Variants in DHX57 observed in about 807,000 individuals in gnomAD.
DHX57 encodes DExH-box helicase 57.
Under a neutral mutation model 156.2 loss-of-function variants are expected in DHX57, and 105 were observed. The ratio of observed to expected loss-of-function variants is 0.67; its 90% CI spans 0.57 to 0.79. DHX57 has a LOEUF of 0.79. Ranked by LOEUF, DHX57 falls within the 30% of genes least tolerant of loss-of-function variation. The pLI, the probability that DHX57 is intolerant of heterozygous loss-of-function variation, is 0.00. For missense variants in DHX57, 1,847 were observed against 1,661.9 expected, an observed-to-expected ratio of 1.11 and a Z score of -1.94; for synonymous variants, 704 against 595.6, an observed-to-expected ratio of 1.18 and a Z score of -2.65.
intron 1 of DHX57, among the ~76,000 whole-genome samples, chr2:38,871,441 T>C (rs1245815226): frequency 6.6e-6 from 1 of 152,170 alleles, no homozygotes; most frequent in Non-Finnish European, 1.5e-5. Context: ...ATAACAATAC[T>C]ATAAAAAGGA....
At chr2:38,853,827 A>T in intron 9 of DHX57, 1 of 344,734 alleles carries the variant, frequency 2.9e-6, no homozygotes, top group Admixed American at 4.2e-5. Context: ...ATACCTTCTA[A>T]CCTAACAGGA....
chr2:38,870,421 C>A (rs1364909104), intron 1 of DHX57, among the ~76,000 whole-genome samples: 4 of 152,104 alleles, frequency 2.6e-5, no homozygotes, highest in African/African-American at 7.2e-5. Context: ...AGACATGTTG[C>A]AATAAAAATG....
intron 16 of DHX57, 64 bp from the exon 17 acceptor site, chr2:38,823,333 AT>A: frequency 6.8e-7 from 1 of 1,460,432 alleles, no homozygotes; most frequent in South Asian, 1.3e-5. Flanking sequence ...CAGAGGAATA[AT>A]TTCTTTTGTG....
intron 19 of DHX57, among the ~76,000 whole-genome samples, chr2:38,817,880 T>C (rs1241503995): frequency 2.6e-5 from 4 of 151,708 alleles, no homozygotes; most frequent in Non-Finnish European, 1.5e-5. Flanking sequence ...GTATTTTTTG[T>C]AGAGATGGGG....
chr2:38,802,979 C>G, intron 22 of DHX57, 64 bp from the exon 23 acceptor site: 1 of 1,578,944 alleles, frequency 6.3e-7, no homozygotes, highest in Non-Finnish European at 8.7e-7. Context: ...AACAACCCCC[C>G]AGTCCCACGG....
chr2:38,813,707 G>C (rs995923001), intron 21 of DHX57, 114 bp downstream of exon 21: 1 of 1,232,200 alleles, frequency 8.1e-7, no homozygotes, highest in African/African-American at 1.5e-5. Context: ...GTGTGCGTGT[G>C]TGCACACATG....
At chr2:38,853,480 A>G (rs763117238) in intron 9 of DHX57, 1 of 152,200 alleles carries the variant, frequency 6.6e-6, no homozygotes, top group Non-Finnish European at 1.5e-5. Flanking sequence ...TTGAGCATCT[A>G]TGGGTCTCTC....
At chr2:38,818,726 C>T (rs376820358) in intron 19 of DHX57, 151 bp downstream of exon 19, 11 of 774,582 alleles carry the variant, frequency 1.4e-5, no homozygotes, top group Admixed American at 1.3e-4. Flanking sequence ...TGCCACAGTG[C>T]GGGAGTCCAT....
At position 38,802,852 on chromosome 2, in the gene DHX57, T is replaced by C. The variant is rs1434845364; in HGVS notation, c.3880A>G (p.Ile1294Val). 2.5e-6 allele frequency: 4 copies of C among 1,614,010 alleles called. No homozygotes were observed. In the African/African-American group the frequency reaches 5.3e-5, roughly 22 times the overall value. The part of the protein sequence containing the change: ...HEKIKTSRVF[I>V]RDCSMVSVYP... The stretch of plus-strand genomic sequence containing the variant: ...ACAGACACCATGCTGCAGTCTCGGA[T>C]GAATACTCGACTAGTTTTTATCTTC... Residue 1294 changes from isoleucine to valine, a missense_variant, in exon 23 of 24, where the codon ATC becomes GTC. Physicochemically the swap from Ile to Val is conservative, Grantham distance 29 (BLOSUM62 3). Coordinates refer to ENST00000457308, the MANE Select transcript of DHX57 (RefSeq NM_198963.3).
chr2:38,864,540 G>C (rs1025541337), intron 2 of DHX57, among the ~76,000 whole-genome samples: 6 of 151,978 alleles, frequency 3.9e-5, no homozygotes, highest in Non-Finnish European at 8.8e-5. Flanking sequence ...CTTTCTATTT[G>C]TAAACTATAT....
Position 38,861,003 on chromosome 2 carries a change from T to C in DHX57, c.1407A>G (p.Pro469=). The change falls in exon 5 of 24, where the codon CCA becomes CCG. Residue 469 remains proline (P), a synonymous_variant. Transcript: ENST00000457308. ...CAAGATCAATGCCTTACATACCTTC[T>C]GGAATTTGATTAGAAACAAAAGAAT... is the stretch of plus-strand genomic sequence containing the variant. ...PNNSFVSNQI[P]EVEKASESEE... 6.2e-7 allele frequency: 1 copy of C among 1,612,334 alleles called. No homozygotes were observed. The highest frequency in any genetic ancestry group is 1.1e-5 in the South Asian group (1 of 90,900).
intron 7 of DHX57, 26 bp downstream of exon 7, chr2:38,856,314 T>A: frequency 6.3e-7 from 1 of 1,598,540 alleles, no homozygotes; most frequent in Non-Finnish European, 8.5e-7. Context: ...AGATGAAAGC[T>A]ACAGATGAAT....
intron 13 of DHX57, 123 bp downstream of exon 13, chr2:38,837,708 C>G: frequency 1.7e-6 from 1 of 595,350 alleles, no homozygotes; most frequent in Non-Finnish European, 3.0e-6. Context: ...TATTCTTAAC[C>G]CCACTGCCTT....
chr2:38,835,798 C>T (rs1259567385), intron 13 of DHX57, among the ~76,000 whole-genome samples: 2 of 152,190 alleles, frequency 1.3e-5, no homozygotes, highest in African/African-American at 4.8e-5. Context: ...CTGGACAAAG[C>T]TGTGTCCAGA....
In DHX57 at chr2:38,805,720, G is replaced by C. The variant is rs563993986; in HGVS notation, c.3816+839C>G. ...CAAGACAGCACAGAAAGAGAAGAGT[G>C]AATTGGGGATCATTGAGTTTGATTT... On this transcript the variant is annotated intron_variant, in intron 22 of 23. Coordinates refer to ENST00000457308, the MANE Select transcript of DHX57 (RefSeq NM_198963.3). Among the ~76,000 whole-genome samples the C allele has an allele frequency of 4.0e-4, 8 of 20,236 alleles. No individual in the cohort carries two copies. The East Asian group carries it at 0.01, about 26-fold the overall frequency. The allele number at this position is 20,236 out of a possible 152,430, so 13.3% of individuals were successfully genotyped here.
chr2:38,834,393 C>G (rs1671543745), intron 13 of DHX57, among the ~76,000 whole-genome samples: 2 of 148,292 alleles, frequency 1.3e-5, no homozygotes, highest in African/African-American at 5.0e-5. Flanking sequence ...CTATATAATA[C>G]AGTATACTAC....
intron 19 of DHX57, among the ~76,000 whole-genome samples, chr2:38,816,809 A>G (rs1464761455): frequency 6.6e-6 from 1 of 152,194 alleles, no homozygotes; most frequent in Non-Finnish European, 1.5e-5. Flanking sequence ...AATCTTAATA[A>G]AAACAATCCT....
chr2:38,825,822 C>G, intron 16 of DHX57, 25 bp downstream of exon 16: 1 of 1,612,576 alleles, frequency 6.2e-7, no homozygotes, highest in Non-Finnish European at 8.5e-7. Context: ...CTTTTGGAAG[C>G]AAAACACAAA....
rs1181016829 is a variant in DHX57 at position 38,853,944 on chromosome 2, A to T, written c.2030+110T>A. 75 of 1,143,304 alleles carry T rather than the reference A, an allele frequency of 6.6e-5. No individual in the cohort carries two copies. The South Asian group carries it at 1.1e-3, about 16-fold the overall frequency. 70.8% of individuals were successfully genotyped at this position (1,143,304 alleles called of 1,614,324 possible). Reference sequence around the variant, plus strand: ...CTCTAACATAGGCCTTCCTTGTGGCAAATTACCATTACTAGCTGCATGAAA... The same window carrying T: ...CTCTAACATAGGCCTTCCTTGTGGCTAATTACCATTACTAGCTGCATGAAA... On this transcript the variant is annotated intron_variant, in intron 9 of 23. Transcript: ENST00000457308.
Sources: gnomAD v4.1 joint callset for allele counts (sites outside exome capture counted in the v4.1 genomes callset) on GRCh38, gnomAD v4.1.1 for gene constraint, MANE v1.5 for transcripts, NCBI Gene and HGNC (gene_info 2026-07-23, HGNC 2026-07-21) for gene names.